Variants in TRO observed in about 807,000 individuals in gnomAD.
The protein encoded by TRO is MAGE superfamily protein.
In TRO, 29 loss-of-function variants were observed where a neutral mutation model predicts 42.3. That is an observed-to-expected ratio of 0.68 (90% CI 0.51 to 0.93). The LOEUF is 0.93. Ranked by LOEUF, TRO falls within the 40% of genes least tolerant of loss-of-function variation. The pLI is 0.00. For missense variants in TRO, 963 were observed against 1,127.7 expected, an observed-to-expected ratio of 0.85 and a Z score of 2.09; for synonymous variants, 384 against 425.2, an observed-to-expected ratio of 0.90 and a Z score of 1.19.
Position 54,926,945 on chromosome X carries a change from C to T in TRO, c.1701-98C>T, listed in dbSNP as rs1932786597. 6.1e-6 allele frequency: 6 copies of T among 978,901 alleles called. No individual in the cohort carries two copies. The Admixed American group carries it at 7.7e-5, about 12-fold the overall frequency. 80.7% of individuals were successfully genotyped at this position (978,901 alleles called of 1,213,427 possible). On this transcript the variant is annotated intron_variant, in intron 9 of 12. Transcript: ENST00000173898. ...ACTTTCTTCACTTCATTGAGACTGCCCCATGTGCTAGAGAGGTCTCTTCCA... is the reference window on the plus strand; with the variant it reads ...ACTTTCTTCACTTCATTGAGACTGCTCCATGTGCTAGAGAGGTCTCTTCCA...
At chrX:54,922,481 A>T (rs1253445188) in intron 2 of TRO, 97 bp from the exon 3 acceptor site, 16 of 958,489 alleles carry the variant, frequency 1.7e-5, no homozygotes, top group Non-Finnish European at 2.1e-5. Flanking sequence ...ACCCCATTTT[A>T]ATTAACCACT....
intron 7 of TRO, 123 bp from the exon 8 acceptor site, chrX:54,926,287 A>C: frequency 7.8e-6 from 5 of 642,235 alleles, no homozygotes; most frequent in Non-Finnish European, 1.2e-5. Flanking sequence ...GTATCTGAGG[A>C]ATCTGGGAGA....
In TRO at chrX:54,928,877, G is replaced by A. The variant is rs768659179; in HGVS notation, c.2153G>A (p.Ser718Asn). Residue 718 changes from serine (S) to asparagine (N), a missense_variant, in exon 12 of 13, where the codon AGC becomes AAC. Physicochemically the swap from Ser to Asn is conservative, Grantham distance 46 (BLOSUM62 1). Coordinates refer to ENST00000173898, the MANE Select transcript of TRO (RefSeq NM_001039705.3). Reference protein sequence around the residue: ...EARAQENADASTNVNFSRGAS... With the variant: ...EARAQENADANTNVNFSRGAS... Reference sequence around the variant, plus strand: ...AGAGCCCAAGAAAATGCAGATGCCAGCACCAACGTCAACTTCAGCAGAGGA... The same window carrying A: ...AGAGCCCAAGAAAATGCAGATGCCAACACCAACGTCAACTTCAGCAGAGGA... 1 of 1,211,744 alleles carries A rather than the reference G, an allele frequency of 8.3e-7. No individual in the cohort carries two copies. Among genetic ancestry groups the A allele is most frequent in the Non-Finnish European group, 1.1e-6 (1 of 895,348 alleles).
rs752033214 is a variant in TRO at position 54,922,820 on chromosome X, C to A, written c.288C>A (p.Ala96=). 8.3e-7 allele frequency: 1 copy of A among 1,209,650 alleles called. No homozygotes were observed. Among genetic ancestry groups the A allele is most frequent in the East Asian group, 3.0e-5 (1 of 33,760 alleles). Residue 96 remains alanine, a synonymous_variant, in exon 3 of 13, where the codon GCC becomes GCA. Coordinates refer to ENST00000173898, the MANE Select transcript of TRO (RefSeq NM_001039705.3). ...APPVPAANEI[A]TNKPKITWQA... ...CAGTCCCAGCTGCCAATGAGATTGCCACCAACAAGCCCAAAATAACTTGGC... is the reference window on the plus strand; with the variant it reads ...CAGTCCCAGCTGCCAATGAGATTGCAACCAACAAGCCCAAAATAACTTGGC...
chrX:54,928,770 C>T lies in TRO; in HGVS notation c.2046C>T (p.Asp682=). The T allele has an allele frequency of 1.7e-6, 2 of 1,210,194 alleles. No individual in the cohort carries two copies. Among genetic ancestry groups the T allele is most frequent in the South Asian group, 3.5e-5 (2 of 56,522 alleles). ...EAVAGPWNWD[D]MDIDCLTREE... ...TGGCTGGGCCCTGGAATTGGGATGA[C>T]ATGGATATCGACTGCCTAACAAGGG... The change falls in exon 12 of 13, where the codon GAC becomes GAT. Residue 682 remains aspartate, a synonymous_variant. Transcript: ENST00000173898.
Position 54,923,381 on chromosome X carries a change from A to G in TRO, c.849A>G (p.Ala283=). The change falls in exon 3 of 13, where the codon GCA becomes GCG. Residue 283 remains alanine (A), a synonymous_variant. Transcript: ENST00000173898. ...EHIEALNVTD[A]ATRQIEASVV... ...TAGAGGCTCTAAATGTCACTGACGC[A>G]GCTACCAGGCAGATTGAGGCCTCAG... 8.3e-7 allele frequency: 1 copy of G among 1,205,597 alleles called. No homozygotes were observed. The highest frequency in any genetic ancestry group is 2.3e-4 in the Middle Eastern group (1 of 4,349).
rs1316572829 is a variant in TRO, at chrX:54,929,349, G to A, written c.2625G>A (p.Thr875=). 2.5e-6 allele frequency: 3 copies of A among 1,210,667 alleles called. No individual in the cohort carries two copies. The highest frequency in any genetic ancestry group is 1.8e-5 in the South Asian group (1 of 56,926). ...TSTSFGSAPT[T]STVFSSALST... Reference sequence around the variant, plus strand: ...CCAGCTTTGGCAGTGCACCCACAACGAGCACAGTCTTCAGTAGTGCGCTTA... The same window carrying A: ...CCAGCTTTGGCAGTGCACCCACAACAAGCACAGTCTTCAGTAGTGCGCTTA... The change falls in exon 12 of 13, where the codon ACG becomes ACA. Residue 875 remains threonine, a synonymous_variant. Coordinates refer to ENST00000173898, the MANE Select transcript of TRO (RefSeq NM_001039705.3).
In TRO at chrX:54,924,541, A is replaced by G; in HGVS notation, c.1327A>G (p.Ile443Val). The G allele has an allele frequency of 8.3e-7, 1 of 1,208,389 alleles. No individual in the cohort carries two copies. Among genetic ancestry groups the G allele is most frequent in the Non-Finnish European group, 1.1e-6 (1 of 893,826 alleles). The part of the protein sequence containing the change: ...RRPAPPRDVA[I>V]LQERANKLVK... ...GCCTGCACCACCGCGAGATGTGGCC[A>G]TTTTACAAGAAAGGGTAAGAATCCA... The change falls in exon 4 of 13, where the codon ATT becomes GTT. Residue 443 changes from isoleucine (I) to valine (V), a missense_variant. Coordinates refer to ENST00000173898, the MANE Select transcript of TRO (RefSeq NM_001039705.3).
At position 54,923,249 on chromosome X, in the gene TRO, C is replaced by G. The variant is rs781064257; in HGVS notation, c.717C>G (p.Thr239=). The part of the protein sequence containing the change: ...THTATTQGQI[T]NETASIHTTA... Reference sequence around the variant, plus strand: ...CAGCTACCACCCAAGGCCAAATTACCAATGAGACAGCCAGTATCCACACCA... The same window carrying G: ...CAGCTACCACCCAAGGCCAAATTACGAATGAGACAGCCAGTATCCACACCA... Residue 239 remains threonine, a synonymous_variant, in exon 3 of 13, where the codon ACC becomes ACG. Transcript: ENST00000173898. 5.8e-6 allele frequency: 7 copies of G among 1,211,650 alleles called. No individual in the cohort carries two copies. The East Asian group carries it at 8.9e-5, about 15-fold the overall frequency.
rs1353004455 is a variant in TRO at position 54,924,485 on chromosome X, G to A, written c.1271G>A (p.Ser424Asn). Reference sequence around the variant, plus strand: ...CTGAATGGGGATGAGAGAAGTGGCAGTAATTACAGGCGGATCCCATGGGGC... The same window carrying A: ...CTGAATGGGGATGAGAGAAGTGGCAATAATTACAGGCGGATCCCATGGGGC... ...KHLNGDERSG[S>N]NYRRIPWGRR... The change falls in exon 4 of 13, where the codon AGT becomes AAT. Residue 424 changes from serine (S) to asparagine (N), a missense_variant. This residue lies in a region of TRO where 641 missense variants were observed against 811.3 expected (regional missense o/e 0.79). Transcript: ENST00000173898. 7.5e-6 allele frequency: 9 copies of A among 1,206,865 alleles called. No homozygotes were observed. The highest frequency in any genetic ancestry group is 8.9e-6 in the Non-Finnish European group (8 of 893,873).
chrX:54,927,147 G>T (rs766227050), intron 10 of TRO, 42 bp downstream of exon 10: 1 of 1,186,710 alleles, frequency 8.4e-7, no homozygotes, highest in Non-Finnish European at 1.1e-6. Context: ...GAAGTGTTCT[G>T]GGTATACTGA....
At chrX:54,931,160 G>A (rs1174442602) in intron 12 of TRO, 44 bp from the exon 13 acceptor site, 3 of 1,205,242 alleles carry the variant, frequency 2.5e-6, no homozygotes, top group Admixed American at 2.2e-5. Context: ...TGAGAAGACA[G>A]TGTATTTGGT....
chrX:54,922,180 C>T, intron 1 of TRO, 23 bp from the exon 2 acceptor site: 1 of 1,119,904 alleles, frequency 8.9e-7, no homozygotes, highest in Non-Finnish European at 1.2e-6. Context: ...GAATCTCCCC[C>T]TCCCTCTCAT....
At position 54,927,655 on chromosome X, in the gene TRO, C is replaced by T; in HGVS notation, c.1764-12C>T. ...GCTTGGTTAGAAACAAGTTTCATTTCCTTTTTCCAAGGTACCTGGAGTACA... is the reference window on the plus strand; with the variant it reads ...GCTTGGTTAGAAACAAGTTTCATTTTCTTTTTCCAAGGTACCTGGAGTACA... On this transcript the variant is annotated splice_polypyrimidine_tract_variant and intron_variant, in intron 10 of 12. Coordinates refer to ENST00000173898, the MANE Select transcript of TRO (RefSeq NM_001039705.3). 4 of 1,194,738 alleles carry T rather than the reference C, an allele frequency of 3.3e-6. No individual in the cohort carries two copies.
intron 9 of TRO, 149 bp downstream of exon 9, chrX:54,926,774 C>T (rs916539101): frequency 4.5e-6 from 4 of 887,326 alleles, no homozygotes; most frequent in Middle Eastern, 4.3e-4. Flanking sequence ...GGGTGGATGA[C>T]GGGCAAATGG....
At position 54,923,435 on chromosome X, in the gene TRO, G is replaced by T; in HGVS notation, c.903G>T (p.Lys301Asn). ...TGGCTATCAGGCCCAAAAAATCCAAGGGCAAGAAGGCTGCCAGCAGGGGCC... is the reference window on the plus strand; with the variant it reads ...TGGCTATCAGGCCCAAAAAATCCAATGGCAAGAAGGCTGCCAGCAGGGGCC... Reference protein sequence around the residue: ...SVVAIRPKKSKGKKAASRGPN... With the variant: ...SVVAIRPKKSNGKKAASRGPN... The change falls in exon 3 of 13, where the codon AAG (lysine) becomes AAT (asparagine). Residue 301 changes from lysine (K) to asparagine (N), a missense_variant. Coordinates refer to ENST00000173898, the MANE Select transcript of TRO (RefSeq NM_001039705.3). 1 of 1,194,056 alleles carries T rather than the reference G, an allele frequency of 8.4e-7. No homozygotes were observed. The highest frequency in any genetic ancestry group is 3.0e-5 in the East Asian group (1 of 32,941).
chrX:54,920,956 CGCCCCT>C, intron 1 of TRO, 78 bp downstream of exon 1: 1 of 111,372 alleles, frequency 9.0e-6, no homozygotes, highest in Middle Eastern at 4.6e-3. Context: ...TGACTCCACA[CGCCCCT>C]AAGGTTTGAA....
At chrX:54,927,017 T>A in intron 9 of TRO, 26 bp from the exon 10 acceptor site, 1 of 1,210,322 alleles carries the variant, frequency 8.3e-7, no homozygotes, top group Non-Finnish European at 1.1e-6. Context: ...TGATCTGTGT[T>A]CATGGGTTAT....
Position 54,930,856 on chromosome X carries a change from T to C in TRO, c.4132T>C (p.Cys1378Arg). The change falls in exon 12 of 13, where the codon TGC (cysteine) becomes CGC (arginine). Residue 1378 changes from cysteine (C) to arginine (R), a missense_variant. Physicochemically the swap from Cys to Arg is radical, Grantham distance 180 (BLOSUM62 -3). Coordinates refer to ENST00000173898, the MANE Select transcript of TRO (RefSeq NM_001039705.3). ...TGGACCAAGCACTGGTGTTGGCTTC[T>C]GCAGTGGACCAAGCACCAGTGGCTT... is the stretch of plus-strand genomic sequence containing the variant. ...SGGPSTGVGF[C>R]SGPSTSGFSG... 5 of 1,210,562 alleles carry C rather than the reference T, an allele frequency of 4.1e-6. No individual in the cohort carries two copies. Among genetic ancestry groups the C allele is most frequent in the Non-Finnish European group, 5.6e-6 (5 of 895,025 alleles).
Sources: allele counts gnomAD v4.1 joint callset, GRCh38; gene constraint gnomAD v4.1.1; regional missense constraint gnomAD v4.1.1; transcripts MANE v1.5; gene names NCBI Gene and HGNC (gene_info 2026-07-23, HGNC 2026-07-21).